Variants in KIF2A observed in about 807,000 individuals in gnomAD.
KIF2A encodes kinesin-like protein KIF2A.
Under a neutral mutation model 100.2 loss-of-function variants are expected in KIF2A, and 22 were observed. The observed-to-expected ratio is 0.22, with a 90% CI of 0.16 to 0.31. KIF2A has a LOEUF of 0.31. Ranked by LOEUF, KIF2A falls within the 10% of genes least tolerant of loss-of-function variation. The probability of loss-of-function intolerance (pLI) is 1.00; values close to 1 mark genes in which losing one functional copy is unlikely to be tolerated. For missense variants in KIF2A, 495 were observed against 898.7 expected, an observed-to-expected ratio of 0.55 and a Z score of 5.74; for synonymous variants, 268 against 285.9, an observed-to-expected ratio of 0.94 and a Z score of 0.63.
rs1742220196 is a variant in KIF2A at position 62,389,882 on chromosome 5, T to C, written c.*4313T>C. On this transcript the variant is annotated 3_prime_UTR_variant, in exon 21 of 21. Transcript: ENST00000407818. ...TGAAAATGAAGAAAAAGAGAAAATA[T>C]TTCTCTTTAGACCTGAGGTTATGTT... Among the ~76,000 whole-genome samples, 1 of 152,164 alleles carries C rather than the reference T, an allele frequency of 6.6e-6. No individual in the cohort carries two copies. Among genetic ancestry groups the C allele is most frequent in the African/African-American group, 2.4e-5 (1 of 41,444 alleles).
chr5:62,357,597 T>G, intron 7 of KIF2A, 94 bp from the exon 8 acceptor site: 1 of 592,020 alleles, frequency 1.7e-6, no homozygotes, highest in Non-Finnish European at 2.8e-6. Context: ...ATGTATAAAT[T>G]TCTAAAACCC....
chr5:62,372,484 G>C lies in KIF2A; in HGVS notation c.1693G>C (p.Gly565Arg). The C allele has an allele frequency of 6.2e-7, 1 of 1,613,082 alleles. No individual in the cohort carries two copies. The highest frequency in any genetic ancestry group is 8.5e-7 in the Non-Finnish European group (1 of 1,179,358). The change falls in exon 17 of 21, where the codon GGT (glycine) becomes CGT (arginine). Residue 565 changes from glycine (G) to arginine (R), a missense_variant. Physicochemically the swap from Gly to Arg is moderately radical, Grantham distance 125. This residue lies in a region of KIF2A where 100 missense variants were observed against 138.2 expected (regional missense o/e 0.72). Transcript: ENST00000407818. ...TCCATCAGACATTCCCTTCTCACAG[G>C]GTAGTGGCAGTCGCCCTGATCTCTC... Reference protein sequence around the residue: ...ISPSDIPFSQGSGSRPDLSPS... With the variant: ...ISPSDIPFSQRSGSRPDLSPS...
At chr5:62,306,856 C>G (rs1220155765) in intron 1 of KIF2A, 3 of 362,666 alleles carry the variant, frequency 8.3e-6, no homozygotes, top group Non-Finnish European at 1.0e-5. Flanking sequence ...CAGCCCCCCC[C>G]CGGGGACACC....
chr5:62,316,519 A>G (rs1332331820), intron 1 of KIF2A, among the ~76,000 whole-genome samples: 1 of 152,240 alleles, frequency 6.6e-6, no homozygotes, highest in Non-Finnish European at 1.5e-5. Flanking sequence ...AGAGGTAAGC[A>G]AGGGATAAAT....
At chr5:62,372,713 T>C (rs1489080352) in intron 17 of KIF2A, among the ~76,000 whole-genome samples, 162 bp downstream of exon 17, 1 of 152,248 alleles carries the variant, frequency 6.6e-6, no homozygotes, top group African/African-American at 2.4e-5. Flanking sequence ...CATTCTTACA[T>C]CTTTTATTAA....
At chr5:62,367,055 T>G (rs879601976) in intron 16 of KIF2A, among the ~76,000 whole-genome samples, 1 of 152,198 alleles carries the variant, frequency 6.6e-6, no homozygotes, top group Non-Finnish European at 1.5e-5. Flanking sequence ...ACTGTTTTAT[T>G]TCCTAATATT....
rs948392023 is a variant in KIF2A, at chr5:62,385,887, A to C, written c.*318A>C. On this transcript the variant is annotated 3_prime_UTR_variant, in exon 21 of 21. Transcript: ENST00000407818. ...CTGTGGACTCAATCCAGAGCCAGAT[A>C]GTAGGGGGAAGCCACAGCATTTCCT... 3.4e-6 allele frequency: 1 copy of C among 297,720 alleles called. No homozygotes were observed. Among genetic ancestry groups the C allele is most frequent in the African/African-American group, 2.1e-5 (1 of 46,660 alleles). The allele number at this position is 297,720 out of a possible 1,614,324, so 18.4% of individuals were successfully genotyped here. A position where few individuals can be genotyped will look rare whatever the true frequency, so the allele number is the denominator to read the frequency against.
At chr5:62,383,220 C>G (rs541092754) in intron 20 of KIF2A, among the ~76,000 whole-genome samples, 2 of 142,246 alleles carry the variant, frequency 1.4e-5, no homozygotes, top group Non-Finnish European at 3.0e-5. Flanking sequence ...AGCCACCATG[C>G]CTGGCCAGAT....
At position 62,386,683 on chromosome 5, in the gene KIF2A, A is replaced by G. The variant is rs552953224; in HGVS notation, c.*1114A>G. On this transcript the variant is annotated 3_prime_UTR_variant, in exon 21 of 21. Transcript: ENST00000407818. The stretch of plus-strand genomic sequence containing the variant: ...AAGAGTTGACTTTGCCTTAAAAGGC[A>G]GATCTAACCCAAGCTCCATCCAGTA... 3.9e-4 allele frequency among the ~76,000 whole-genome samples: 59 copies of G among 152,378 alleles called. 1 individual carries two copies. Among genetic ancestry groups the G allele is most frequent in the African/African-American group, 1.4e-3 (58 of 41,600 alleles).
chr5:62,311,360 C>A (rs1324807981), intron 1 of KIF2A, among the ~76,000 whole-genome samples: 1 of 152,102 alleles, frequency 6.6e-6, no homozygotes, highest in Non-Finnish European at 1.5e-5. Flanking sequence ...TAGAATGATC[C>A]CTGGTAAGAA....
chr5:62,357,371 A>G (rs965538762), intron 7 of KIF2A, among the ~76,000 whole-genome samples: 1 of 152,202 alleles, frequency 6.6e-6, no homozygotes, highest in Non-Finnish European at 1.5e-5. Context: ...GGAATGAGCC[A>G]TCATGCCCGG....
At position 62,366,497 on chromosome 5, in the gene KIF2A, C is replaced by G. The variant is rs1283823948; in HGVS notation, c.1646+16C>G. ...ATGCAAATAGGTATGAGAGATAGTT[C>G]TCCATTTTGAAATTTGAGGGGAGTA... is the stretch of plus-strand genomic sequence containing the variant. On this transcript the variant is annotated intron_variant, in intron 16 of 20. Coordinates refer to ENST00000407818, the MANE Select transcript of KIF2A (RefSeq NM_001098511.3). The G allele has an allele frequency of 6.8e-7, 1 of 1,471,740 alleles. No homozygotes were observed. The allele number at this position is 1,471,740 out of a possible 1,614,324, so 91.2% of individuals were successfully genotyped here.
intron 1 of KIF2A, among the ~76,000 whole-genome samples, chr5:62,323,963 G>A (rs1382694680): frequency 6.6e-6 from 1 of 152,108 alleles, no homozygotes; most frequent in Admixed American, 6.6e-5. Flanking sequence ...GAGCCCCAGA[G>A]GTTGAGGCTG....
intron 1 of KIF2A, among the ~76,000 whole-genome samples, chr5:62,344,452 A>T (rs564714559): frequency 9.4e-4 from 143 of 152,328 alleles, no homozygotes; most frequent in Non-Finnish European, 1.6e-3. Flanking sequence ...CATACTTAAA[A>T]AGTAGTAGCT....
At chr5:62,334,843 G>A (rs1462038223) in intron 1 of KIF2A, among the ~76,000 whole-genome samples, 5 of 152,198 alleles carry the variant, frequency 3.3e-5, no homozygotes, top group Middle Eastern at 3.4e-3. Flanking sequence ...CCTGCTCAGC[G>A]CAGCCCTCAG....
intron 1 of KIF2A, among the ~76,000 whole-genome samples, chr5:62,328,537 G>T (rs111504455): frequency 0.049 from 7,404 of 152,194 alleles, 568 homozygotes; most frequent in African/African-American, 0.17. Context: ...CGTTGCCCAG[G>T]CTGGAGTGCA....
intron 18 of KIF2A, among the ~76,000 whole-genome samples, chr5:62,376,561 A>G (rs1217079708): frequency 6.6e-6 from 1 of 152,030 alleles, no homozygotes; most frequent in Non-Finnish European, 1.5e-5. Flanking sequence ...CTGGGATTAC[A>G]GGCGCACACC....
Position 62,306,290 on chromosome 5 carries a change from C to T in KIF2A, c.-183C>T, listed in dbSNP as rs1434623943. On this transcript the variant is annotated 5_prime_UTR_variant, in exon 1 of 21. Coordinates refer to ENST00000407818, the MANE Select transcript of KIF2A (RefSeq NM_001098511.3). The stretch of plus-strand genomic sequence containing the variant: ...CGCGTCCTCCTGCCGGCCTGCAGGC[C>T]CGGGGCCTCCGCCTGCTTCCCCACA... 3.5e-6 allele frequency: 2 copies of T among 567,574 alleles called. No individual in the cohort carries two copies. Among genetic ancestry groups the T allele is most frequent in the East Asian group, 3.3e-5 (1 of 30,750 alleles). 35.2% of individuals were successfully genotyped at this position (567,574 alleles called of 1,614,324 possible). A position where few individuals can be genotyped will look rare whatever the true frequency, so the allele number is the denominator to read the frequency against.
In KIF2A at chr5:62,323,228, C is replaced by G. The variant is rs1746193683; in HGVS notation, c.64+16692C>G. ...CCAAGATCACGCCATTGCACTCCAG[C>G]CTGGGCAACGAGCGAAACTCCATCT... On this transcript the variant is annotated intron_variant, in intron 1 of 20. Coordinates refer to ENST00000407818, the MANE Select transcript of KIF2A (RefSeq NM_001098511.3). Among the ~76,000 whole-genome samples the G allele has an allele frequency of 1.3e-5, 2 of 150,386 alleles. 1 individual carries two copies. Among genetic ancestry groups the G allele is most frequent in the African/African-American group, 4.9e-5 (2 of 40,802 alleles).
Sources: allele counts gnomAD v4.1 joint callset (sites outside exome capture counted in the v4.1 genomes callset), GRCh38; gene constraint gnomAD v4.1.1; regional missense constraint gnomAD v4.1.1; transcripts MANE v1.5; gene names NCBI Gene and HGNC (gene_info 2026-07-23, HGNC 2026-07-21).